The following KCNQ3 variants were observed in gnomAD, a reference collection of about 807,000 sequenced individuals.
KCNQ3 encodes potassium voltage-gated channel subfamily KQT member 3.
A neutral mutation model predicts 92.5 loss-of-function variants in KCNQ3; 30 were observed. The ratio of observed to expected loss-of-function variants is 0.32; its 90% confidence interval spans 0.24 to 0.44. The LOEUF (loss-of-function observed/expected upper bound fraction) is 0.44. Among genes scored for constraint, KCNQ3 ranks in the 20% least tolerant of loss-of-function variants. The pLI is 1.00. For synonymous variants in KCNQ3, 450 were observed against 468.8 expected, an observed-to-expected ratio of 0.96 and a Z score of 0.52; for missense variants, 913 against 1,140.3, an observed-to-expected ratio of 0.80 and a Z score of 2.87.
chr8:132,431,702 G>A (rs1419321051), intron 1 of KCNQ3, among the ~76,000 whole-genome samples: 1 of 152,224 alleles, frequency 6.6e-6, no homozygotes, highest in Non-Finnish European at 1.5e-5. Flanking sequence ...AGTGCTTTCA[G>A]GGTGAAACAT....
At chr8:132,265,107 G>T (rs1815939994) in intron 1 of KCNQ3, among the ~76,000 whole-genome samples, 1 of 152,172 alleles carries the variant, frequency 6.6e-6, no homozygotes, top group African/African-American at 2.4e-5. Flanking sequence ...GGTAATAAAG[G>T]TACAGGTCCT....
At chr8:132,450,710 T>C (rs1306783918) in intron 1 of KCNQ3, among the ~76,000 whole-genome samples, 5 of 152,102 alleles carry the variant, frequency 3.3e-5, no homozygotes, top group African/African-American at 4.8e-5. Context: ...CCAATGCAGG[T>C]GAATGCCCTT....
intron 9 of KCNQ3, among the ~76,000 whole-genome samples, chr8:132,160,218 T>C (rs1825942286): frequency 1.3e-5 from 2 of 152,150 alleles, no homozygotes; most frequent in Admixed American, 1.3e-4. Context: ...CATGCGTCCA[T>C]TGTATTAGCC....
intron 1 of KCNQ3, among the ~76,000 whole-genome samples, chr8:132,447,433 G>A (rs1262264329): frequency 1.3e-5 from 2 of 152,150 alleles, no homozygotes; most frequent in African/African-American, 4.8e-5. Flanking sequence ...AGAGGTGGTG[G>A]AGGGGTACCT....
chr8:132,207,247 T>C (rs1813689072), intron 1 of KCNQ3, among the ~76,000 whole-genome samples: 1 of 152,180 alleles, frequency 6.6e-6, no homozygotes, highest in African/African-American at 2.4e-5. Context: ...AAGAGTGACA[T>C]GATTTTACAC....
chr8:132,372,590 T>C (rs1242611304), intron 1 of KCNQ3, among the ~76,000 whole-genome samples: 1 of 151,846 alleles, frequency 6.6e-6, no homozygotes, highest in East Asian at 1.9e-4. Flanking sequence ...ACCCCATCTC[T>C]ACTAAAAATA....
At chr8:132,157,369 C>A (rs556555794) in intron 9 of KCNQ3, among the ~76,000 whole-genome samples, 25 of 152,212 alleles carry the variant, frequency 1.6e-4, no homozygotes, top group Admixed American at 3.3e-4. Flanking sequence ...TTGGAAGAAG[C>A]TGATAGCTCT....
Position 132,129,996 on chromosome 8 carries a change from C to T in KCNQ3, c.1885G>A (p.Val629Ile), listed in dbSNP as rs185511111. Reference protein sequence around the residue: ...MGKFVKVERQVQDMGKKLDFL... With the variant: ...MGKFVKVERQIQDMGKKLDFL... ...TCCAGCTTCTTCCCCATGTCCTGAA[C>T]CTGGAAAATCAAAGGAGCTGTGAAT... The change falls in exon 15 of 15, where the codon GTT becomes ATT. Residue 629 changes from valine to isoleucine, a missense_variant and splice_region_variant. By Grantham distance (29) the Val-to-Ile change is conservative. Transcript: ENST00000388996. This position sits in a 1 kb window ranked among gnomAD's most constrained non-coding sequence, Gnocchi z 5.9. The T allele has an allele frequency of 1.7e-5, 27 of 1,612,984 alleles. No homozygotes were observed. In the Admixed American group the frequency reaches 2.5e-4, roughly 15 times the overall value.
In KCNQ3 at chr8:132,180,203, C is replaced by A; in HGVS notation, c.731G>T (p.Gly244Val). The A allele has an allele frequency of 6.2e-7, 1 of 1,614,190 alleles. No individual in the cohort carries two copies. The highest frequency in any genetic ancestry group is 8.5e-7 in the Non-Finnish European group (1 of 1,180,036). Residue 244 changes from glycine (G) to valine (V), a missense_variant, in exon 4 of 15, where the codon GGT becomes GTT. Coordinates refer to ENST00000388996, the MANE Select transcript of KCNQ3 (RefSeq NM_004519.4). Reference protein sequence around the residue: ...ILRMLRMDRRGGTWKLLGSAI... With the variant: ...ILRMLRMDRRVGTWKLLGSAI... ...TGAGCCCAGAAGCTTCCAGGTGCCA[C>A]CTCTCCGGTCCATCCGCAGCATGCG...
Position 132,141,120 on chromosome 8 carries a change from A to G in KCNQ3, c.1465+9T>C. 1.2e-6 allele frequency: 2 copies of G among 1,613,264 alleles called. No individual in the cohort carries two copies. Among genetic ancestry groups the G allele is most frequent in the Non-Finnish European group, 1.7e-6 (2 of 1,179,164 alleles). ...GGAAGAGACAGGGAGGGAGATAAAA[A>G]GGCATTACCTTCAGAACTCTGCCAG... On this transcript the variant is annotated intron_variant, in intron 10 of 14. Coordinates refer to ENST00000388996, the MANE Select transcript of KCNQ3 (RefSeq NM_004519.4).
At chr8:132,446,250 C>T (rs1821672526) in intron 1 of KCNQ3, among the ~76,000 whole-genome samples, 1 of 152,190 alleles carries the variant, frequency 6.6e-6, no homozygotes, top group African/African-American at 2.4e-5. Context: ...AAAGACAATG[C>T]CTTCGTGGTG....
chr8:132,369,201 T>C (rs1309454571), intron 1 of KCNQ3, among the ~76,000 whole-genome samples: 1 of 152,226 alleles, frequency 6.6e-6, no homozygotes, highest in Non-Finnish European at 1.5e-5. Context: ...TCACTGTTGA[T>C]GTTGACCTTG....
intron 1 of KCNQ3, among the ~76,000 whole-genome samples, chr8:132,229,352 A>C (rs1281249169): frequency 2.0e-5 from 3 of 152,166 alleles, no homozygotes; most frequent in African/African-American, 4.8e-5. Flanking sequence ...TTGATGACTC[A>C]ACCAAGCCAG....
At chr8:132,475,419 G>A (rs1822388790) in intron 1 of KCNQ3, among the ~76,000 whole-genome samples, 1 of 152,198 alleles carries the variant, frequency 6.6e-6, no homozygotes, top group Non-Finnish European at 1.5e-5. Context: ...TGCTGACAGT[G>A]ATATGGACAA....
At chr8:132,352,593 C>T (rs928990559) in intron 1 of KCNQ3, among the ~76,000 whole-genome samples, 8 of 152,156 alleles carry the variant, frequency 5.3e-5, no homozygotes, top group African/African-American at 1.9e-4. Context: ...TGTTCCTTAG[C>T]TCTGGGGGTG....
chr8:132,315,222 GA>G (rs1459634936), intron 1 of KCNQ3, among the ~76,000 whole-genome samples: 1 of 152,104 alleles, frequency 6.6e-6, no homozygotes, highest in Non-Finnish European at 1.5e-5. Flanking sequence ...TGGGGAAAAC[GA>G]GGGGAAGGAA....
chr8:132,186,672 T>A (rs1826965827), intron 1 of KCNQ3: 1 of 290,012 alleles, frequency 3.4e-6, no homozygotes, highest in African/African-American at 2.2e-5. Context: ...CAAGTATGAA[T>A]ATTGTCACCA....
intron 3 of KCNQ3, among the ~76,000 whole-genome samples, chr8:132,182,610 G>C (rs1010780278): frequency 6.6e-6 from 1 of 152,336 alleles, no homozygotes; most frequent in South Asian, 2.1e-4. Context: ...TCCCACTGTC[G>C]GGATGTTCTC....
intron 1 of KCNQ3, among the ~76,000 whole-genome samples, chr8:132,327,914 C>G (rs1270371080): frequency 6.6e-6 from 1 of 152,048 alleles, no homozygotes; most frequent in Non-Finnish European, 1.5e-5. Context: ...CTACAGCTCC[C>G]CACTCACAGA....
Sources: allele counts gnomAD v4.1 joint callset (sites outside exome capture counted in the v4.1 genomes callset), GRCh38; gene constraint gnomAD v4.1.1; non-coding constraint Gnocchi (gnomAD v3.1); transcripts MANE v1.5; gene names NCBI Gene and HGNC (gene_info 2026-07-23, HGNC 2026-07-21).